Variants in NRXN1 observed in about 807,000 individuals in gnomAD.
NRXN1 encodes the protein neurexin 1.
In NRXN1, 39 loss-of-function variants were observed where a neutral mutation model predicts 150.9. That is an observed-to-expected ratio of 0.26 (90% confidence interval 0.20 to 0.34). NRXN1 has a LOEUF of 0.34. Ranked by LOEUF, NRXN1 falls within the 10% of genes least tolerant of loss-of-function variation. The probability of loss-of-function intolerance (pLI) is 1.00; values close to 1 mark genes in which losing one functional copy is unlikely to be tolerated. For missense variants in NRXN1, 1,815 were observed against 1,949.9 expected (o/e 0.93, Z 1.30); for synonymous variants, 924 against 757.0 (o/e 1.22, Z -3.62).
intron 2 of NRXN1, among the ~76,000 whole-genome samples, chr2:50,953,814 G>T (rs1300318310): frequency 6.6e-6 from 1 of 152,020 alleles, no homozygotes; most frequent in East Asian, 1.9e-4. Flanking sequence ...ACCTGCCTCG[G>T]TCTCCCAAAG....
intron 15 of NRXN1, among the ~76,000 whole-genome samples, chr2:50,476,005 C>T (rs1355272358): frequency 6.6e-6 from 1 of 152,034 alleles, no homozygotes; most frequent in Non-Finnish European, 1.5e-5. Context: ...AGCCAACTTT[C>T]CTGTAGATAT....
intron 17 of NRXN1, among the ~76,000 whole-genome samples, chr2:50,245,025 C>A (rs1187579989): frequency 6.6e-6 from 1 of 151,868 alleles, no homozygotes; most frequent in Non-Finnish European, 1.5e-5. Flanking sequence ...ACCCAATGAA[C>A]ACTACTTTTA....
chr2:50,910,593 A>G (rs1684381409), intron 5 of NRXN1, among the ~76,000 whole-genome samples: 1 of 151,908 alleles, frequency 6.6e-6, no homozygotes, highest in Non-Finnish European at 1.5e-5. Context: ...CTTAATTCAA[A>G]ACTGAAAATA....
intron 5 of NRXN1, among the ~76,000 whole-genome samples, chr2:50,847,747 G>A (rs1673883029): frequency 6.6e-6 from 1 of 152,178 alleles, no homozygotes; most frequent in South Asian, 2.1e-4. Flanking sequence ...AGAGGACGTG[G>A]AGGGAGTATG....
intron 21 of NRXN1, among the ~76,000 whole-genome samples, chr2:50,048,043 C>T (rs2152611808): frequency 6.6e-6 from 1 of 151,888 alleles, no homozygotes; most frequent in Non-Finnish European, 1.5e-5. Flanking sequence ...ATGCACCACG[C>T]AGAACTTAAA....
intron 18 of NRXN1, among the ~76,000 whole-genome samples, chr2:50,221,000 G>C (rs553969367): frequency 1.3e-5 from 2 of 151,940 alleles, no homozygotes; most frequent in Non-Finnish European, 2.9e-5. Context: ...TGCTAATCTC[G>C]TGTTATCAAT....
At chr2:50,999,274 C>A (rs543444391) in intron 2 of NRXN1, among the ~76,000 whole-genome samples, 1 of 152,100 alleles carries the variant, frequency 6.6e-6, no homozygotes, top group East Asian at 1.9e-4. Flanking sequence ...TTTATTTGTT[C>A]AATAAATATT....
chr2:49,950,594 GAACA>G (rs1673755671), intron 21 of NRXN1, among the ~76,000 whole-genome samples: 1 of 151,934 alleles, frequency 6.6e-6, no homozygotes, highest in African/African-American at 2.4e-5. Context: ...TGAGGCAAAT[GAACA>G]AATAACTCTT....
intron 10 of NRXN1, among the ~76,000 whole-genome samples, chr2:50,531,819 A>AT (rs1364299165): frequency 6.6e-6 from 1 of 151,504 alleles, no homozygotes; most frequent in Non-Finnish European, 1.5e-5. Context: ...GAAGTTGTGG[A>AT]TTTTTTTGTT....
chr2:49,973,404 G>C (rs1678306739), intron 21 of NRXN1, among the ~76,000 whole-genome samples: 1 of 151,840 alleles, frequency 6.6e-6, no homozygotes, highest in Non-Finnish European at 1.5e-5. Flanking sequence ...TTCTGTTTTA[G>C]CAAACATGCA....
chr2:50,737,112 A>G (rs1698855450), intron 5 of NRXN1, among the ~76,000 whole-genome samples: 2 of 152,126 alleles, frequency 1.3e-5, no homozygotes, highest in South Asian at 4.1e-4. Flanking sequence ...ACAAAAAATT[A>G]GCTGGGCATG....
intron 17 of NRXN1, among the ~76,000 whole-genome samples, chr2:50,329,667 A>ATT (rs2076692801): frequency 5.3e-4 from 14 of 26,260 alleles, no homozygotes; most frequent in African/African-American, 3.0e-3. Context: ...ATATATATAT[A>ATT]TATATATTTT....
At chr2:50,489,234 T>G (rs540629963) in intron 15 of NRXN1, among the ~76,000 whole-genome samples, 1 of 152,188 alleles carries the variant, frequency 6.6e-6, no homozygotes, top group African/African-American at 2.4e-5. Flanking sequence ...AGAGTTCAGC[T>G]AGTGTGCTGG....
At chr2:50,146,458 G>T (rs985869070) in intron 18 of NRXN1, among the ~76,000 whole-genome samples, 4 of 151,674 alleles carry the variant, frequency 2.6e-5, no homozygotes, top group Admixed American at 6.6e-5. Flanking sequence ...ACTGGATAAA[G>T]AAAATATGGC....
At chr2:50,078,710 G>C (rs910013727) in intron 19 of NRXN1, among the ~76,000 whole-genome samples, 1 of 151,992 alleles carries the variant, frequency 6.6e-6, no homozygotes, top group South Asian at 2.1e-4. Context: ...GTCGTAGTTA[G>C]ATGGAACTTA....
At chr2:50,072,724 G>A (rs957853112) in intron 19 of NRXN1, among the ~76,000 whole-genome samples, 4 of 151,942 alleles carry the variant, frequency 2.6e-5, no homozygotes, top group African/African-American at 9.7e-5. Flanking sequence ...GAAGAAGAAT[G>A]CCAATTCCAA....
In NRXN1 at chr2:50,365,392, A is replaced by T. The variant is rs866477280; in HGVS notation, c.3364+100050T>A. Among the ~76,000 whole-genome samples, 16 of 152,200 alleles carry T rather than the reference A, an allele frequency of 1.1e-4. No individual in the cohort carries two copies. In the Middle Eastern group the frequency reaches 0.017, roughly 162 times the overall value. On this transcript the variant is annotated intron_variant, in intron 17 of 22. Transcript: ENST00000401669. ...AAACCTACTCTTAAATAATAAAGGA[A>T]AATAATAGTACATGTATAAAATGTG...
At chr2:50,506,703 G>T (rs1367952326) in intron 12 of NRXN1, 86 bp from the exon 13 acceptor site, 2 of 1,374,352 alleles carry the variant, frequency 1.5e-6, no homozygotes, top group South Asian at 1.4e-5. Flanking sequence ...AAGAGACAAG[G>T]GGGGAAGGTG....
intron 2 of NRXN1, among the ~76,000 whole-genome samples, chr2:50,970,985 GACTT>G (rs1558511497): frequency 6.6e-6 from 1 of 151,754 alleles, no homozygotes; most frequent in Admixed American, 6.6e-5. Context: ...TATTTTTTAG[GACTT>G]TTTTCTTTAT....
Sources: gnomAD v4.1 joint callset for allele counts (sites outside exome capture counted in the v4.1 genomes callset) on GRCh38, gnomAD v4.1.1 for gene constraint, MANE v1.5 for transcripts, NCBI Gene and HGNC (gene_info 2026-07-23, HGNC 2026-07-21) for gene names.